The following STXBP5L variants were observed in gnomAD, a reference collection of about 807,000 sequenced individuals.
The protein encoded by STXBP5L is syntaxin binding protein 5L.
Under a neutral mutation model 144.5 loss-of-function variants are expected in STXBP5L, and 65 were observed. The observed-to-expected ratio is 0.45, with a 90% CI of 0.37 to 0.55. The LOEUF is 0.55. STXBP5L is among the 20% of genes least tolerant of loss of function. The pLI is 0.00. For missense variants in STXBP5L, 1,298 were observed against 1,405.5 expected (o/e 0.92, Z 1.22); for synonymous variants, 505 against 469.6 (o/e 1.08, Z -0.97).
intron 9 of STXBP5L, among the ~76,000 whole-genome samples, chr3:121,182,338 G>A (rs1030744130): frequency 1.3e-5 from 2 of 152,138 alleles, no homozygotes; most frequent in Non-Finnish European, 2.9e-5. Context: ...GACTATGGTG[G>A]AATAAAACTG....
chr3:121,096,500 C>A (rs1300281960), intron 5 of STXBP5L, among the ~76,000 whole-genome samples: 1 of 152,094 alleles, frequency 6.6e-6, no homozygotes, highest in Non-Finnish European at 1.5e-5. Flanking sequence ...GATTTATCTA[C>A]TTTTGGTCCT....
intron 18 of STXBP5L, among the ~76,000 whole-genome samples, chr3:121,277,325 C>A (rs1208828834): frequency 3.3e-5 from 5 of 152,122 alleles, no homozygotes; most frequent in Admixed American, 1.3e-4. Flanking sequence ...AAAGTTCCCA[C>A]CTCTTAATAC....
chr3:121,050,986 G>A (rs980435777), intron 5 of STXBP5L, among the ~76,000 whole-genome samples: 2 of 152,176 alleles, frequency 1.3e-5, no homozygotes, highest in African/African-American at 4.8e-5. Flanking sequence ...AAGAGAAAAA[G>A]AAGGCCATTA....
At position 120,918,353 on chromosome 3, in the gene STXBP5L, C is replaced by T. The variant is rs188821447; in HGVS notation, c.189+8586C>T. Among the ~76,000 whole-genome samples, 644 of 152,252 alleles carry T rather than the reference C, an allele frequency of 4.2e-3. 5 individuals carry two copies. The highest frequency in any genetic ancestry group is 0.015 in the African/African-American group (614 of 41,536). ...CTTTGGGGGCTGTTATTCTCTGTAC[C>T]TAGATGTTCATCACCTCACCTGTTT... On this transcript the variant is annotated intron_variant, in intron 2 of 26. Coordinates refer to ENST00000471454, the MANE Select transcript of STXBP5L (RefSeq NM_001308330.2).
At chr3:121,004,494 A>T (rs1359786810) in intron 3 of STXBP5L, among the ~76,000 whole-genome samples, 3 of 151,788 alleles carry the variant, frequency 2.0e-5, no homozygotes, top group Non-Finnish European at 4.4e-5. Flanking sequence ...TGTCGTCTGC[A>T]AACAGGGACA....
chr3:121,006,922 G>T (rs897265918), intron 3 of STXBP5L, among the ~76,000 whole-genome samples: 1 of 152,172 alleles, frequency 6.6e-6, no homozygotes, highest in East Asian at 1.9e-4. Flanking sequence ...GAGATCACCT[G>T]TTAGTCTGAT....
At chr3:121,302,744 G>A (rs892465383) in intron 19 of STXBP5L, among the ~76,000 whole-genome samples, 6 of 152,138 alleles carry the variant, frequency 3.9e-5, no homozygotes, top group Non-Finnish European at 5.9e-5. Context: ...ACAACTATCT[G>A]ATGTTTGACA....
At chr3:121,031,463 C>G (rs1191187734) in intron 3 of STXBP5L, among the ~76,000 whole-genome samples, 1 of 151,928 alleles carries the variant, frequency 6.6e-6, no homozygotes, top group Admixed American at 6.6e-5. Context: ...ACTATGGAGG[C>G]TGGCAAATCC....
chr3:121,134,885 T>C (rs559205333), intron 7 of STXBP5L, among the ~76,000 whole-genome samples: 84 of 152,336 alleles, frequency 5.5e-4, no homozygotes, highest in Middle Eastern at 3.4e-3. Context: ...TGTGCCTTTA[T>C]AGCAGCATGA....
chr3:121,329,479 T>A (rs1016418300), intron 20 of STXBP5L, among the ~76,000 whole-genome samples: 3 of 152,216 alleles, frequency 2.0e-5, no homozygotes, highest in Non-Finnish European at 2.9e-5. Flanking sequence ...AGGAGGAAAT[T>A]CTGTGGCAAT....
rs181700423 is a variant in STXBP5L, at chr3:121,138,930, G to A, written c.670-13547G>A. 2.3e-3 allele frequency among the ~76,000 whole-genome samples: 353 copies of A among 151,978 alleles called. 1 individual carries two copies. Among genetic ancestry groups the A allele is most frequent in the African/African-American group, 7.0e-3 (292 of 41,520 alleles). On this transcript the variant is annotated intron_variant, in intron 7 of 26. Transcript: ENST00000471454. ...GATTATATCACACACAAAAATGTTC[G>A]CATAGCAAAGGAAACAACAGAGTGA...
chr3:120,976,123 C>G (rs1461996652), intron 3 of STXBP5L, among the ~76,000 whole-genome samples: 1 of 152,124 alleles, frequency 6.6e-6, no homozygotes, highest in Non-Finnish European at 1.5e-5. Context: ...AGGAATGGTA[C>G]CAGCTCCTCT....
intron 5 of STXBP5L, among the ~76,000 whole-genome samples, chr3:121,047,883 TTCA>T (rs749804781): frequency 2.6e-5 from 4 of 152,128 alleles, no homozygotes; most frequent in Non-Finnish European, 5.9e-5. Context: ...ATTTGATCCT[TTCA>T]TCATGTTTCT....
At chr3:121,108,031 T>G (rs1329933576) in intron 5 of STXBP5L, among the ~76,000 whole-genome samples, 1 of 152,158 alleles carries the variant, frequency 6.6e-6, no homozygotes, top group South Asian at 2.1e-4. Flanking sequence ...TGTTGGTATA[T>G]AGGAATGGTT....
At chr3:121,295,159 C>T (rs2051600369) in intron 19 of STXBP5L, among the ~76,000 whole-genome samples, 1 of 151,024 alleles carries the variant, frequency 6.6e-6, no homozygotes, top group Non-Finnish European at 1.5e-5. Context: ...CAGAATGATC[C>T]ATAGAAAAAG....
intron 3 of STXBP5L, among the ~76,000 whole-genome samples, chr3:121,020,438 A>G (rs542550367): frequency 1.9e-4 from 29 of 152,334 alleles, no homozygotes; most frequent in African/African-American, 3.4e-4. Context: ...TTGCAAAAAG[A>G]TAATCACCTA....
chr3:121,148,405 G>A (rs1019357879), intron 7 of STXBP5L, among the ~76,000 whole-genome samples: 4 of 151,988 alleles, frequency 2.6e-5, no homozygotes, highest in Non-Finnish European at 5.9e-5. Context: ...TAGCTAATAA[G>A]CAGCATTTAA....
At chr3:121,000,756 T>C (rs1042667686) in intron 3 of STXBP5L, among the ~76,000 whole-genome samples, 1 of 152,236 alleles carries the variant, frequency 6.6e-6, no homozygotes, top group Non-Finnish European at 1.5e-5. Flanking sequence ...TCCTTTAATC[T>C]TTGAAGTTGC....
chr3:120,988,879 A>G (rs1321717155), intron 3 of STXBP5L, among the ~76,000 whole-genome samples: 1 of 152,060 alleles, frequency 6.6e-6, no homozygotes, highest in Non-Finnish European at 1.5e-5. Flanking sequence ...ATGTGTACAC[A>G]TTATTTAATT....
Sources: allele counts gnomAD v4.1 joint callset (sites outside exome capture counted in the v4.1 genomes callset), GRCh38; gene constraint gnomAD v4.1.1; transcripts MANE v1.5; gene names NCBI Gene and HGNC (gene_info 2026-07-23, HGNC 2026-07-21).